Variants in TBC1D22A observed in about 807,000 individuals in gnomAD.
TBC1D22A encodes the protein putative GTPase activator.
Under a neutral mutation model 60.2 loss-of-function variants are expected in TBC1D22A, and 38 were observed. The observed-to-expected ratio is 0.63, with a 90% confidence interval of 0.49 to 0.83. The LOEUF (loss-of-function observed/expected upper bound fraction) is 0.83. Among genes scored for constraint, TBC1D22A ranks in the 40% least tolerant of loss-of-function variants. The pLI is 0.00. For missense variants in TBC1D22A, 628 were observed against 701.0 expected, an observed-to-expected ratio of 0.90 and a Z score of 1.18; for synonymous variants, 302 against 281.7, an observed-to-expected ratio of 1.07 and a Z score of -0.72.
At chr22:46,955,597 G>A (rs2073144345) in intron 8 of TBC1D22A, among the ~76,000 whole-genome samples, 1 of 152,122 alleles carries the variant, frequency 6.6e-6, no homozygotes, top group African/African-American at 2.4e-5. Flanking sequence ...TTAGAAATAA[G>A]CAGACATGTT....
Position 47,004,890 on chromosome 22 carries a change from C to T in TBC1D22A, c.1201+7181C>T, listed in dbSNP as rs149240614. 2.1e-3 allele frequency among the ~76,000 whole-genome samples: 323 copies of T among 151,964 alleles called. 1 individual carries two copies. The highest frequency in any genetic ancestry group is 7.5e-3 in the African/African-American group (312 of 41,362). On this transcript the variant is annotated intron_variant, in intron 10 of 12. Transcript: ENST00000337137. Reference sequence around the variant, plus strand: ...CTGTATAAGTGCCTATATACACACACCCCTATATATACATACCTGCCATAT... The same window carrying T: ...CTGTATAAGTGCCTATATACACACATCCCTATATATACATACCTGCCATAT...
At chr22:47,097,765 C>G (rs11913415) in intron 11 of TBC1D22A, among the ~76,000 whole-genome samples, 5,189 of 152,270 alleles carry the variant, frequency 0.034, 276 homozygotes, top group African/African-American at 0.12. Flanking sequence ...ACTTTTACAT[C>G]ATTTCCAAAA....
chr22:47,139,686 A>T (rs2067007460), intron 12 of TBC1D22A, among the ~76,000 whole-genome samples: 1 of 152,140 alleles, frequency 6.6e-6, no homozygotes. Context: ...ACTTAGGAGG[A>T]GGCGCGGTGT....
At chr22:46,938,686 A>G (rs2071805624) in intron 8 of TBC1D22A, among the ~76,000 whole-genome samples, 1 of 151,836 alleles carries the variant, frequency 6.6e-6, no homozygotes, top group Non-Finnish European at 1.5e-5. Context: ...CCCGGGTTCA[A>G]GCAATTCTCC....
At chr22:47,004,045 C>T (rs1023083429) in intron 10 of TBC1D22A, among the ~76,000 whole-genome samples, 3 of 149,202 alleles carry the variant, frequency 2.0e-5, no homozygotes, top group African/African-American at 7.4e-5. Context: ...ACAGATGCAC[C>T]CCTATATACA....
chr22:47,158,531 T>C (rs1359047506), intron 12 of TBC1D22A, among the ~76,000 whole-genome samples: 4 of 152,094 alleles, frequency 2.6e-5, no homozygotes, highest in Admixed American at 1.3e-4. Context: ...CACACATGGA[T>C]CACGGCCCAC....
intron 8 of TBC1D22A, among the ~76,000 whole-genome samples, chr22:46,957,659 A>G (rs962966534): frequency 6.6e-6 from 1 of 152,238 alleles, no homozygotes; most frequent in African/African-American, 2.4e-5. Context: ...ATGGGTTGGA[A>G]CTGGCTCGGG....
At chr22:47,065,638 T>C (rs2063732584) in intron 11 of TBC1D22A, among the ~76,000 whole-genome samples, 1 of 152,286 alleles carries the variant, frequency 6.6e-6, no homozygotes, top group Admixed American at 6.5e-5. Flanking sequence ...GCCTCGGAGT[T>C]GGGACTGGGT....
At chr22:47,108,851 A>G (rs2065737786) in intron 11 of TBC1D22A, among the ~76,000 whole-genome samples, 1 of 152,114 alleles carries the variant, frequency 6.6e-6, no homozygotes, top group Non-Finnish European at 1.5e-5. Context: ...ACCCGCCACC[A>G]TGCCCAGCTA....
At chr22:47,089,379 A>G (rs963119798) in intron 11 of TBC1D22A, among the ~76,000 whole-genome samples, 2 of 152,264 alleles carry the variant, frequency 1.3e-5, no homozygotes, top group African/African-American at 4.8e-5. Context: ...GGCATTGGCC[A>G]AATATTGATC....
intron 4 of TBC1D22A, among the ~76,000 whole-genome samples, chr22:46,827,389 C>A (rs1011932076): frequency 1.3e-5 from 2 of 152,242 alleles, no homozygotes; most frequent in Non-Finnish European, 1.5e-5. Context: ...GGCATTTTCA[C>A]CATCGGTGCA....
intron 4 of TBC1D22A, among the ~76,000 whole-genome samples, chr22:46,863,097 T>C (rs529862191): frequency 1.3e-5 from 2 of 152,272 alleles, no homozygotes; most frequent in South Asian, 4.2e-4. Context: ...CTCACTTCTC[T>C]TTCTGTGGTT....
intron 11 of TBC1D22A, among the ~76,000 whole-genome samples, chr22:47,095,335 T>C (rs1345579692): frequency 2.6e-5 from 4 of 152,262 alleles, no homozygotes; most frequent in African/African-American, 9.6e-5. Context: ...CAGAAGGCCA[T>C]TTGTTTTTAT....
rs113526784 is a variant in TBC1D22A at position 47,162,608 on chromosome 22, C to T, written c.1426-10890C>T. 3.4e-3 allele frequency among the ~76,000 whole-genome samples: 520 copies of T among 151,802 alleles called. 8 individuals carry two copies. Among genetic ancestry groups the T allele is most frequent in the African/African-American group, 0.011 (464 of 41,122 alleles). The stretch of plus-strand genomic sequence containing the variant: ...CTCAAGATTGTCCTCCAGGCAGAGT[C>T]AGAGGAGTGGGACTGTGGACCCGGT... On this transcript the variant is annotated intron_variant, in intron 12 of 12. Coordinates refer to ENST00000337137, the MANE Select transcript of TBC1D22A (RefSeq NM_014346.5).
intron 1 of TBC1D22A, among the ~76,000 whole-genome samples, chr22:46,765,807 GTCTC>G (rs1260496851): frequency 3.5e-5 from 5 of 143,340 alleles, no homozygotes; most frequent in Admixed American, 2.8e-4. Context: ...TGAGACAAGA[GTCTC>G]TCTCTGTAGT....
intron 12 of TBC1D22A, among the ~76,000 whole-genome samples, chr22:47,134,347 G>A (rs189138907): frequency 3.9e-5 from 6 of 152,336 alleles, no homozygotes; most frequent in East Asian, 3.9e-4. Context: ...TTCAGGACAC[G>A]CGAAAGAATC....
At chr22:46,997,451 A>G (rs539758071) in intron 9 of TBC1D22A, among the ~76,000 whole-genome samples, 183 bp from the exon 10 acceptor site, 1 of 152,312 alleles carries the variant, frequency 6.6e-6, no homozygotes, top group African/African-American at 2.4e-5. Context: ...CCTTCTCAAA[A>G]TAGCAGTCAG....
rs1013661167 is a variant in TBC1D22A, at chr22:47,175,637, G to C, written c.*2011G>C. ...CTGAGCAGATCCATCTGGAATGTTCGGGGTGTGCTGTCTGGATGTGGTGCG... is the reference window on the plus strand; with the variant it reads ...CTGAGCAGATCCATCTGGAATGTTCCGGGTGTGCTGTCTGGATGTGGTGCG... On this transcript the variant is annotated 3_prime_UTR_variant, in exon 13 of 13. Coordinates refer to ENST00000337137, the MANE Select transcript of TBC1D22A (RefSeq NM_014346.5). The C allele has an allele frequency of 6.6e-6, 1 of 152,202 alleles. No individual in the cohort carries two copies. The highest frequency in any genetic ancestry group is 2.4e-5 in the African/African-American group (1 of 41,368). 9.4% of individuals were successfully genotyped at this position (152,202 alleles called of 1,614,324 possible).
chr22:47,111,453 G>A (rs2065842483), intron 11 of TBC1D22A, 55 bp from the exon 12 acceptor site: 3 of 1,509,438 alleles, frequency 2.0e-6, no homozygotes, highest in Non-Finnish European at 2.7e-6. Context: ...ACCTCGCAGT[G>A]ATGTTAATGG....
Sources: gnomAD v4.1 joint callset for allele counts (sites outside exome capture counted in the v4.1 genomes callset) on GRCh38, gnomAD v4.1.1 for gene constraint, MANE v1.5 for transcripts, NCBI Gene and HGNC (gene_info 2026-07-23, HGNC 2026-07-21) for gene names.